SCLT1: variants seen among roughly 807,000 people sequenced by gnomAD.
The protein encoded by SCLT1 is sodium channel-associated protein 1.
In SCLT1, 78 loss-of-function variants were observed where a neutral mutation model predicts 112.8. The ratio of observed to expected loss-of-function variants is 0.69; its 90% CI spans 0.58 to 0.83. The LOEUF is 0.83. Ranked by LOEUF, SCLT1 falls within the 40% of genes least tolerant of loss-of-function variation. The probability of loss-of-function intolerance (pLI) is 0.00; values close to 1 mark genes in which losing one functional copy is unlikely to be tolerated. For synonymous variants in SCLT1, 257 were observed against 254.7 expected (o/e 1.01, Z -0.09); for missense variants, 747 against 770.4 (o/e 0.97, Z 0.36).
chr4:128,948,301 A>T (rs1438595866), intron 15 of SCLT1, among the ~76,000 whole-genome samples, 195 bp downstream of exon 15: 1 of 147,112 alleles, frequency 6.8e-6, no homozygotes, highest in African/African-American at 2.5e-5. Flanking sequence ...ATGCCACTGC[A>T]ATCCAGCCTG....
intron 5 of SCLT1, among the ~76,000 whole-genome samples, chr4:129,006,024 G>A (rs1743976668): frequency 9.6e-6 from 1 of 104,702 alleles, no homozygotes; most frequent in Non-Finnish European, 1.9e-5. Flanking sequence ...TGTGGGGTGG[G>A]GGGAGGGGGG....
chr4:129,022,350 C>T (rs900898516), intron 5 of SCLT1, among the ~76,000 whole-genome samples: 6 of 152,052 alleles, frequency 3.9e-5, no homozygotes, highest in Admixed American at 1.3e-4. Flanking sequence ...AACTCCTCTG[C>T]GTTAAAGGAG....
At chr4:128,883,829 G>A (rs1732709569), downstream of SCLT1, among the ~76,000 whole-genome samples, 1 of 152,152 alleles carries the variant, frequency 6.6e-6, no homozygotes, top group South Asian at 2.1e-4. Context: ...ATAGTTCAAT[G>A]CCATGCAGTC....
At chr4:128,955,124 G>A (rs1480271921) in intron 13 of SCLT1, among the ~76,000 whole-genome samples, 1 of 152,140 alleles carries the variant, frequency 6.6e-6, no homozygotes, top group Non-Finnish European at 1.5e-5. Flanking sequence ...AAGCTCCAAA[G>A]GTCATATGGA....
intron 18 of SCLT1, among the ~76,000 whole-genome samples, chr4:128,900,453 C>G (rs1222871774): frequency 2.6e-5 from 4 of 151,904 alleles, no homozygotes; most frequent in African/African-American, 4.8e-5. Context: ...ATAAATGGTG[C>G]TGGGAAAACT....
intron 9 of SCLT1, among the ~76,000 whole-genome samples, chr4:128,982,137 G>T (rs1173367083): frequency 6.6e-6 from 1 of 152,138 alleles, no homozygotes; most frequent in Admixed American, 6.5e-5. Context: ...TCACAAATAT[G>T]GAGAAAAGAT....
At chr4:129,006,795 G>C (rs763849637) in intron 5 of SCLT1, among the ~76,000 whole-genome samples, 1 of 152,104 alleles carries the variant, frequency 6.6e-6, no homozygotes, top group Non-Finnish European at 1.5e-5. Context: ...GGTGTTATAT[G>C]ATTTTGGGTT....
At chr4:129,074,566 T>TA (rs999224302) in intron 2 of SCLT1, among the ~76,000 whole-genome samples, 1 of 152,132 alleles carries the variant, frequency 6.6e-6, no homozygotes, top group Non-Finnish European at 1.5e-5. Context: ...TGAAATTGCC[T>TA]AAAAAACATT....
intron 5 of SCLT1, among the ~76,000 whole-genome samples, chr4:129,025,538 TC>T (rs1745972542): frequency 6.6e-6 from 1 of 151,846 alleles, no homozygotes; most frequent in Admixed American, 6.5e-5. Context: ...CTAAAAGAGC[TC>T]CTGAAGGAAG....
At position 129,093,205 on chromosome 4, in the gene SCLT1, G is replaced by C. The variant is rs996026112; in HGVS notation, c.-102C>G. ...ACAAAACTAAGCCAACGCTCGGTTG[G>C]TTGTCAAGCGCTCCAGCGGTGCAAT... On this transcript the variant is annotated 5_prime_UTR_variant, in exon 1 of 21. Coordinates refer to ENST00000281142, the MANE Select transcript of SCLT1 (RefSeq NM_144643.4). 1.9e-6 allele frequency: 2 copies of C among 1,078,526 alleles called. No homozygotes were observed. The highest frequency in any genetic ancestry group is 3.1e-5 in the African/African-American group (2 of 64,104). 66.8% of individuals were successfully genotyped at this position (1,078,526 alleles called of 1,614,324 possible).
chr4:129,076,928 T>C (rs1751516603), intron 2 of SCLT1, among the ~76,000 whole-genome samples: 1 of 152,024 alleles, frequency 6.6e-6, no homozygotes. Flanking sequence ...AAAAGTTACA[T>C]ACAAATGTAA....
chr4:129,067,192 T>C (rs1263053184), intron 2 of SCLT1, among the ~76,000 whole-genome samples: 1 of 151,902 alleles, frequency 6.6e-6, no homozygotes, highest in African/African-American at 2.4e-5. Flanking sequence ...ACTTAATAAA[T>C]CTTAATAAAT....
downstream of SCLT1, among the ~76,000 whole-genome samples, chr4:128,882,029 G>A (rs904686718): frequency 1.3e-5 from 2 of 152,110 alleles, no homozygotes; most frequent in African/African-American, 2.4e-5. Context: ...AAGTATCTAT[G>A]TTCAGAGATT....
At position 128,951,319 on chromosome 4, in the gene SCLT1, T is replaced by C. The variant is rs149993953; in HGVS notation, c.1218+1450A>G. Among the ~76,000 whole-genome samples, 224 of 152,250 alleles carry C rather than the reference T, an allele frequency of 1.5e-3. 1 individual carries two copies. Among genetic ancestry groups the C allele is most frequent in the African/African-American group, 5.1e-3 (213 of 41,562 alleles). Reference sequence around the variant, plus strand: ...CTTCAAACTTTTCAATTACACAGTATAGTTCTCCCCATAGAATCAACATGA... The same window carrying C: ...CTTCAAACTTTTCAATTACACAGTACAGTTCTCCCCATAGAATCAACATGA... On this transcript the variant is annotated intron_variant, in intron 14 of 20. Coordinates refer to ENST00000281142, the MANE Select transcript of SCLT1 (RefSeq NM_144643.4).
At chr4:128,886,924 A>C (rs1311209824) in intron 20 of SCLT1, among the ~76,000 whole-genome samples, 1 of 152,210 alleles carries the variant, frequency 6.6e-6, no homozygotes, top group Non-Finnish European at 1.5e-5. Flanking sequence ...TTGCCTTAAA[A>C]AAGGTAAACG....
intron 2 of SCLT1, among the ~76,000 whole-genome samples, chr4:129,058,934 G>C (rs1399016639): frequency 6.6e-6 from 1 of 151,996 alleles, no homozygotes; most frequent in Non-Finnish European, 1.5e-5. Context: ...GGTGTTGGGT[G>C]TATATATATT....
Position 129,001,364 on chromosome 4 carries a change from C to T in SCLT1, c.427-1570G>A, listed in dbSNP as rs1743467650. Among the ~76,000 whole-genome samples, 3 of 151,884 alleles carry T rather than the reference C, an allele frequency of 2.0e-5. No homozygotes were observed. In the South Asian group the frequency reaches 6.2e-4, roughly 31 times the overall value. ...GGGGGTGGGGAGGCACAGCAGAAAT[C>T]CATGTTTCAAAAAGCCCTCAAGTGA... On this transcript the variant is annotated intron_variant, in intron 6 of 20. Transcript: ENST00000281142.
chr4:129,046,646 T>C (rs919819890), intron 2 of SCLT1, among the ~76,000 whole-genome samples: 2 of 152,132 alleles, frequency 1.3e-5, no homozygotes, highest in African/African-American at 4.8e-5. Context: ...CAAACATTCT[T>C]GAAAAAGTCT....
Position 129,016,948 on chromosome 4 carries a change from C to T in SCLT1, c.291-13072G>A, listed in dbSNP as rs558115386. On this transcript the variant is annotated intron_variant, in intron 5 of 20. Transcript: ENST00000281142. ...GTACCTACTCTGTCATTAATGTAAA[C>T]AATATTGATTTATTTATTTTCAATT... is the stretch of plus-strand genomic sequence containing the variant. 7.0e-4 allele frequency among the ~76,000 whole-genome samples: 107 copies of T among 152,234 alleles called. 1 individual carries two copies. The South Asian group carries it at 0.01, about 14-fold the overall frequency.
Sources: gnomAD v4.1 joint callset for allele counts (sites outside exome capture counted in the v4.1 genomes callset) on GRCh38, gnomAD v4.1.1 for gene constraint, MANE v1.5 for transcripts, NCBI Gene and HGNC (gene_info 2026-07-23, HGNC 2026-07-21) for gene names.